Variants in CLEC16A observed in about 807,000 individuals in gnomAD.
The protein encoded by CLEC16A is protein CLEC16A.
In CLEC16A, 51 loss-of-function variants were observed where a neutral mutation model predicts 109.5. That is an observed-to-expected ratio of 0.47 (90% CI 0.37 to 0.59). CLEC16A has a LOEUF of 0.59. Among genes scored for constraint, CLEC16A ranks in the 20% least tolerant of loss-of-function variants. CLEC16A has a pLI of 0.00. For missense variants in CLEC16A, 1,339 were observed against 1,394.0 expected (o/e 0.96, Z 0.63); for synonymous variants, 673 against 564.2 (o/e 1.19, Z -2.73).
chr16:11,061,051 G>A, intron 19 of CLEC16A, 29 bp downstream of exon 19: 1 of 1,581,936 alleles, frequency 6.3e-7, no homozygotes, highest in African/African-American at 1.3e-5. Context: ...GTCACAGCAG[G>A]GGGCTGGGGG....
intron 23 of CLEC16A, among the ~76,000 whole-genome samples, chr16:11,177,749 C>T (rs1356258285): frequency 6.6e-6 from 1 of 152,094 alleles, no homozygotes; most frequent in African/African-American, 2.4e-5. Flanking sequence ...GGAACCACAG[C>T]AGCCCCTTGG....
At chr16:11,027,766 C>T (rs1164921232) in intron 13 of CLEC16A, 6 of 1,318,214 alleles carry the variant, frequency 4.6e-6, no homozygotes, top group Admixed American at 1.8e-5. Flanking sequence ...CTGAACTAGA[C>T]CCAGGTGCCA....
intron 19 of CLEC16A, among the ~76,000 whole-genome samples, chr16:11,065,576 A>G (rs1005822346): frequency 3.9e-5 from 6 of 152,190 alleles, no homozygotes; most frequent in Admixed American, 3.9e-4. Flanking sequence ...TTGTGGAGGG[A>G]GCAACCACTA....
chr16:11,011,229 A>G lies in CLEC16A; in HGVS notation c.1303+7924A>G, dbSNP rs868105253. On this transcript the variant is annotated intron_variant, in intron 11 of 23. Coordinates refer to ENST00000409790, the MANE Select transcript of CLEC16A (RefSeq NM_015226.3). ...ATGATTCTTGCCTGGTTCAGTCACT[A>G]TCGTAATGGGCAGGAAAAGATGATT... Among the ~76,000 whole-genome samples, 55 of 152,346 alleles carry G rather than the reference A, an allele frequency of 3.6e-4. 1 individual carries two copies. Among genetic ancestry groups the G allele is most frequent in the Non-Finnish European group, 2.2e-4 (15 of 68,036 alleles).
intron 22 of CLEC16A, among the ~76,000 whole-genome samples, chr16:11,150,883 C>T (rs1479907447): frequency 3.3e-5 from 5 of 152,172 alleles, no homozygotes; most frequent in African/African-American, 9.7e-5. Flanking sequence ...CTTTTTGGCT[C>T]ATAGAAGTAT....
At chr16:10,973,150 C>T (rs1302482101) in intron 7 of CLEC16A, 89 bp downstream of exon 7, 2 of 1,420,168 alleles carry the variant, frequency 1.4e-6, no homozygotes, top group Admixed American at 4.6e-5. Flanking sequence ...AACACAAGAA[C>T]CGCACTTCCC....
In CLEC16A at chr16:11,181,411, C is replaced by G. The variant is rs1342773425; in HGVS notation, c.*2721C>G. ...CCCACAGACCCATCCGGCCCGCCCCCCAAGTCCCTGCAGAGAGCACTTAGA... is the reference window on the plus strand; with the variant it reads ...CCCACAGACCCATCCGGCCCGCCCCGCAAGTCCCTGCAGAGAGCACTTAGA... On this transcript the variant is annotated 3_prime_UTR_variant, in exon 24 of 24. Coordinates refer to ENST00000409790, the MANE Select transcript of CLEC16A (RefSeq NM_015226.3). 1.3e-5 allele frequency: 2 copies of G among 152,548 alleles called. No homozygotes were observed. Among genetic ancestry groups the G allele is most frequent in the Admixed American group, 1.3e-4 (2 of 15,294 alleles). The allele number at this position is 152,548 out of a possible 1,614,324, so 9.4% of individuals were successfully genotyped here.
intron 10 of CLEC16A, among the ~76,000 whole-genome samples, chr16:10,983,807 G>T (rs941343140): frequency 1.3e-5 from 2 of 151,930 alleles, no homozygotes. Flanking sequence ...CGCCTTTACC[G>T]TACCTACAGC....
At chr16:10,993,847 G>A (rs1052230770) in intron 10 of CLEC16A, among the ~76,000 whole-genome samples, 11 of 152,332 alleles carry the variant, frequency 7.2e-5, no homozygotes, top group African/African-American at 2.6e-4. Flanking sequence ...CCTCTTGATT[G>A]AATGCCAGAG....
rs2068494843 is a variant in CLEC16A, at chr16:11,171,156, C to T, written c.2806+4604C>T. 2.0e-5 allele frequency among the ~76,000 whole-genome samples: 3 copies of T among 152,332 alleles called. 1 individual carries two copies. The highest frequency in any genetic ancestry group is 6.8e-3 in the Middle Eastern group (2 of 294). ...GGAACATTCCCCATGCCCATCAGGG[C>T]CGCGGCCTATAGCCCAGCGGTAGCT... On this transcript the variant is annotated intron_variant, in intron 23 of 23. Coordinates refer to ENST00000409790, the MANE Select transcript of CLEC16A (RefSeq NM_015226.3).
chr16:11,071,867 A>C (rs762592602), intron 19 of CLEC16A, among the ~76,000 whole-genome samples: 1 of 150,096 alleles, frequency 6.7e-6, no homozygotes, highest in Non-Finnish European at 1.5e-5. Flanking sequence ...AGCTGGGACT[A>C]CAGGCAGAAC....
intron 12 of CLEC16A, 127 bp downstream of exon 12, chr16:11,020,452 T>TC: frequency 8.3e-7 from 1 of 1,203,180 alleles, no homozygotes; most frequent in East Asian, 2.7e-5. Flanking sequence ...TCCCTTTCTT[T>TC]CCCTGCTTCT....
intron 10 of CLEC16A, among the ~76,000 whole-genome samples, chr16:10,997,906 T>C (rs552649982): frequency 2.1e-4 from 32 of 152,372 alleles, no homozygotes; most frequent in Non-Finnish European, 3.1e-4. Context: ...TGCTTTTTCT[T>C]GTGCAGCCTG....
intron 13 of CLEC16A, among the ~76,000 whole-genome samples, chr16:11,036,545 T>C (rs1309097609): frequency 2.7e-5 from 1 of 37,672 alleles, no homozygotes; most frequent in African/African-American, 2.5e-4. Flanking sequence ...CTAATTTTCC[T>C]TTTTTTTTTT....
intron 11 of CLEC16A, among the ~76,000 whole-genome samples, chr16:11,014,902 C>G (rs2045649374): frequency 6.6e-6 from 1 of 152,192 alleles, no homozygotes; most frequent in Non-Finnish European, 1.5e-5. Flanking sequence ...CCCTGTGACC[C>G]TGATCATCAG....
intron 11 of CLEC16A, among the ~76,000 whole-genome samples, chr16:11,013,846 G>A (rs565451086): frequency 6.6e-6 from 1 of 152,120 alleles, no homozygotes; most frequent in Non-Finnish European, 1.5e-5. Flanking sequence ...GGCTGAGGCA[G>A]GAGAATTGCT....
At chr16:11,124,027 G>A in intron 21 of CLEC16A, 81 bp downstream of exon 21, 2 of 1,268,190 alleles carry the variant, frequency 1.6e-6, no homozygotes, top group Non-Finnish European at 1.1e-6. Flanking sequence ...CTGACCTTGA[G>A]AACCCCCATA....
At chr16:10,947,283 G>A (rs1316552871) in intron 1 of CLEC16A, among the ~76,000 whole-genome samples, 2 of 152,200 alleles carry the variant, frequency 1.3e-5, no homozygotes, top group Admixed American at 1.3e-4. Context: ...GTGCCACTCT[G>A]CATTTGGCTC....
At chr16:11,141,575 C>T (rs1481405068) in intron 22 of CLEC16A, among the ~76,000 whole-genome samples, 5 of 152,200 alleles carry the variant, frequency 3.3e-5, no homozygotes, top group Non-Finnish European at 5.9e-5. Flanking sequence ...GCCTCGGGGC[C>T]GCGAAGCAGG....
Sources: allele counts gnomAD v4.1 joint callset (sites outside exome capture counted in the v4.1 genomes callset), GRCh38; gene constraint gnomAD v4.1.1; transcripts MANE v1.5; gene names NCBI Gene and HGNC (gene_info 2026-07-23, HGNC 2026-07-21).